The following MCTP2 variants were observed in gnomAD, a reference collection of about 807,000 sequenced individuals.
MCTP2 encodes the protein multiple C2 and transmembrane domain containing 2, also known as multiple C2 and transmembrane domain-containing protein 2.
In MCTP2, 132 loss-of-function variants were observed where a neutral mutation model predicts 111.6. That is an observed-to-expected ratio of 1.18 (90% CI 1.03 to 1.37). The LOEUF (loss-of-function observed/expected upper bound fraction) is 1.37, where lower values mean the gene tolerates loss of function less well. Ranked by LOEUF, MCTP2 falls within the 40% of genes most tolerant of loss-of-function variation. MCTP2 has a pLI of 0.00. For synonymous variants in MCTP2, 395 were observed against 387.7 expected (o/e 1.02, Z -0.22); for missense variants, 1,183 against 1,067.9 (o/e 1.11, Z -1.50).
At chr15:94,429,097 C>CTCTACTG in intron 17 of MCTP2, among the ~76,000 whole-genome samples, 1 of 152,096 alleles carries the variant, frequency 6.6e-6, no homozygotes, top group East Asian at 1.9e-4. Flanking sequence ...TAAGTGCCCC[C>CTCTACTG]TCTACTGCTA....
At chr15:94,241,365 T>C (rs891181405) in intron 1 of MCTP2, among the ~76,000 whole-genome samples, 11 of 152,192 alleles carry the variant, frequency 7.2e-5, no homozygotes, top group African/African-American at 2.7e-4. Context: ...GGTAATTTTG[T>C]ATTTTTGTTT....
chr15:94,267,476 A>T (rs1283508186), intron 1 of MCTP2, among the ~76,000 whole-genome samples: 1 of 152,156 alleles, frequency 6.6e-6, no homozygotes, highest in Non-Finnish European at 1.5e-5. Flanking sequence ...TAATGGAAAG[A>T]TGGATTTTTT....
intron 1 of MCTP2, among the ~76,000 whole-genome samples, chr15:94,296,052 T>TA (rs2075261634): frequency 6.6e-6 from 1 of 152,206 alleles, no homozygotes; most frequent in Non-Finnish European, 1.5e-5. Context: ...GTGTCCTGAG[T>TA]TTCTCATAGT....
intron 7 of MCTP2, chr15:94,341,149 A>G (rs2077619962): frequency 2.1e-6 from 1 of 482,630 alleles, no homozygotes. Context: ...TGTGTTATTA[A>G]GATGATCAGG....
rs559014388 is a variant in MCTP2, at chr15:94,315,538, G to A, written c.538G>A (p.Glu180Lys). The change falls in exon 4 of 23, where the codon GAA becomes AAA. Residue 180 changes from glutamate to lysine, a missense_variant. Coordinates refer to ENST00000357742, the MANE Select transcript of MCTP2 (RefSeq NM_001385001.1). ...TTCTCCATCTGTGCAGGTACCGGGG[G>A]AAGCCAGTGATGGCTTGAGTAACCT... ...QHFEEQSVPG[E>K]ASDGLSNLPS... The A allele has an allele frequency of 1.3e-4, 203 of 1,613,318 alleles. 2 individuals are homozygous for A. The South Asian group carries it at 2.2e-3, about 17-fold the overall frequency.
intron 8 of MCTP2, among the ~76,000 whole-genome samples, chr15:94,351,802 G>A (rs750963905): frequency 6.6e-5 from 10 of 152,172 alleles, no homozygotes; most frequent in Admixed American, 1.3e-4. Flanking sequence ...CAGTTCTGGA[G>A]TGCCACCTAG....
At chr15:94,354,164 G>A (rs1477699550) in intron 8 of MCTP2, among the ~76,000 whole-genome samples, 1 of 152,076 alleles carries the variant, frequency 6.6e-6, no homozygotes, top group Non-Finnish European at 1.5e-5. Context: ...CCAGAGAAGA[G>A]GATAGTTCTT....
At chr15:94,391,671 T>C (rs1002648184) in intron 14 of MCTP2, among the ~76,000 whole-genome samples, 4 of 152,150 alleles carry the variant, frequency 2.6e-5, no homozygotes, top group African/African-American at 7.2e-5. Context: ...TTGAAATAAA[T>C]AAATGAAGAC....
intron 21 of MCTP2, among the ~76,000 whole-genome samples, chr15:94,474,131 C>T (rs1361640834): frequency 6.6e-6 from 1 of 152,090 alleles, no homozygotes; most frequent in Non-Finnish European, 1.5e-5. Flanking sequence ...AGTAATTTTA[C>T]AACAGATATA....
intron 10 of MCTP2, among the ~76,000 whole-genome samples, chr15:94,360,968 G>A (rs901344012): frequency 2.0e-5 from 3 of 151,362 alleles, no homozygotes; most frequent in African/African-American, 7.3e-5. Context: ...GCAGGTGGGG[G>A]AAATCTACGG....
At chr15:94,259,533 T>C (rs8040967) in intron 1 of MCTP2, among the ~76,000 whole-genome samples, 39,586 of 152,142 alleles carry the variant, frequency 0.26, 5,321 homozygotes, top group South Asian at 0.38. Context: ...TAACTATTTC[T>C]GTTCTATGTA....
chr15:94,242,877 A>G (rs1054035552), intron 1 of MCTP2, among the ~76,000 whole-genome samples: 3 of 150,234 alleles, frequency 2.0e-5, no homozygotes, highest in Non-Finnish European at 4.4e-5. Flanking sequence ...GTTAGCTGAC[A>G]GTGTTTCCTA....
intron 17 of MCTP2, among the ~76,000 whole-genome samples, chr15:94,424,104 T>G (rs2082758672): frequency 1.3e-5 from 2 of 152,246 alleles, no homozygotes; most frequent in African/African-American, 4.8e-5. Context: ...TTCAATTTTG[T>G]CTGATTTCTG....
intron 20 of MCTP2, among the ~76,000 whole-genome samples, chr15:94,463,264 C>T (rs950749498): frequency 1.4e-4 from 21 of 151,834 alleles, no homozygotes; most frequent in African/African-American, 4.1e-4. Flanking sequence ...CTCTTTAGAT[C>T]GTCTTTAATT....
chr15:94,325,990 T>G (rs1274253301), intron 4 of MCTP2, among the ~76,000 whole-genome samples: 1 of 151,780 alleles, frequency 6.6e-6, no homozygotes, highest in Non-Finnish European at 1.5e-5. Context: ...CAGCTAATTT[T>G]TGTATTTTTA....
chr15:94,464,511 C>T (rs956770258), intron 20 of MCTP2, among the ~76,000 whole-genome samples: 3 of 139,694 alleles, frequency 2.1e-5, no homozygotes, highest in South Asian at 2.3e-4. Flanking sequence ...AAATAAGCAC[C>T]ATTTGCCTTC....
At chr15:94,277,293 A>G (rs1180241661) in intron 1 of MCTP2, among the ~76,000 whole-genome samples, 2 of 152,190 alleles carry the variant, frequency 1.3e-5, no homozygotes, top group East Asian at 1.9e-4. Context: ...AGTTATATAG[A>G]TACCATTGAT....
intron 1 of MCTP2, among the ~76,000 whole-genome samples, chr15:94,241,055 C>T (rs1239608190): frequency 2.6e-5 from 4 of 152,106 alleles, no homozygotes; most frequent in Non-Finnish European, 5.9e-5. Context: ...TTTTGGTTAT[C>T]GTGGTCTTCG....
chr15:94,407,134 A>G (rs1596611893), intron 17 of MCTP2, among the ~76,000 whole-genome samples: 2 of 152,120 alleles, frequency 1.3e-5, no homozygotes, highest in East Asian at 3.9e-4. Context: ...TTTTGTTATG[A>G]CATACTTATA....
Sources: allele counts gnomAD v4.1 joint callset (sites outside exome capture counted in the v4.1 genomes callset), GRCh38; gene constraint gnomAD v4.1.1; transcripts MANE v1.5; gene names NCBI Gene and HGNC (gene_info 2026-07-23, HGNC 2026-07-21).